LAPTM4A: variants seen among roughly 807,000 people sequenced by gnomAD.
LAPTM4A encodes the protein lysosomal-associated transmembrane protein 4A.
LAPTM4A carries 19 observed loss-of-function variants against 29.9 expected under a neutral mutation model. The observed-to-expected ratio is 0.64, with a 90% CI of 0.44 to 0.93. The LOEUF (loss-of-function observed/expected upper bound fraction) is 0.93. Among genes scored for constraint, LAPTM4A ranks in the 40% least tolerant of loss-of-function variants. LAPTM4A has a pLI of 0.00. For missense variants in LAPTM4A, 293 were observed against 288.5 expected (o/e 1.02, Z -0.11); for synonymous variants, 105 against 102.1 (o/e 1.03, Z -0.17).
chr2:20,042,228 A>T (rs566498316), intron 1 of LAPTM4A, among the ~76,000 whole-genome samples: 1 of 151,898 alleles, frequency 6.6e-6, no homozygotes, highest in Non-Finnish European at 1.5e-5. Context: ...GCCTCCCAAC[A>T]TGCTGTGATT....
In LAPTM4A at chr2:20,051,470, G is replaced by A. The variant is rs753632002; in HGVS notation, c.51C>T (p.Thr17=). The A allele has an allele frequency of 6.2e-7, 1 of 1,613,518 alleles. No homozygotes were observed. Among genetic ancestry groups the A allele is most frequent in the East Asian group, 2.2e-5 (1 of 44,842 alleles). Residue 17 remains threonine, a synonymous_variant, in exon 1 of 7, where the codon ACC becomes ACT. Coordinates refer to ENST00000175091, the MANE Select transcript of LAPTM4A (RefSeq NM_014713.5). ...KRNRSDRFYS[T]RCCGCCHVRT... is the part of the protein sequence containing the mutation. Reference sequence around the variant, plus strand: ...GGACATGGCAACAGCCGCAGCACCGGGTGCTGTAGAACCGGTCACTGCGGT... The same window carrying A: ...GGACATGGCAACAGCCGCAGCACCGAGTGCTGTAGAACCGGTCACTGCGGT...
chr2:20,049,080 G>T (rs960360233), intron 1 of LAPTM4A, among the ~76,000 whole-genome samples: 1 of 152,108 alleles, frequency 6.6e-6, no homozygotes, highest in African/African-American at 2.4e-5. Flanking sequence ...CCTCATCACT[G>T]TACCATATGT....
chr2:20,035,135 T>G, intron 4 of LAPTM4A, 73 bp from the exon 5 acceptor site: 6 of 991,114 alleles, frequency 6.1e-6, no homozygotes, highest in Non-Finnish European at 7.9e-6. Context: ...GAAGAGCATC[T>G]GAAGAATACA....
intron 1 of LAPTM4A, among the ~76,000 whole-genome samples, chr2:20,050,406 C>G (rs1420503226): frequency 6.6e-6 from 1 of 152,192 alleles, no homozygotes; most frequent in Non-Finnish European, 1.5e-5. Flanking sequence ...TCAAAAACTG[C>G]ACAGTATCAC....
In LAPTM4A at chr2:20,051,493, G is replaced by C. The variant is rs954746433; in HGVS notation, c.28C>G (p.Arg10Gly). 6.2e-7 allele frequency: 1 copy of C among 1,610,744 alleles called. No homozygotes were observed. Among genetic ancestry groups the C allele is most frequent in the Non-Finnish European group, 8.5e-7 (1 of 1,178,518 alleles). The part of the protein sequence containing the change: MVSMSFKRN[R>G]SDRFYSTRCC... ...CGGGTGCTGTAGAACCGGTCACTGCGGTTCCGCTTGAAACTCATGGACACC... is the reference window on the plus strand; with the variant it reads ...CGGGTGCTGTAGAACCGGTCACTGCCGTTCCGCTTGAAACTCATGGACACC... The change falls in exon 1 of 7, where the codon CGC becomes GGC. Residue 10 changes from arginine to glycine, a missense_variant. Physicochemically the swap from Arg to Gly is moderately radical, Grantham distance 125 (BLOSUM62 -2). Transcript: ENST00000175091.
At position 20,040,907 on chromosome 2, in the gene LAPTM4A, C is replaced by A. The variant is rs3731673; in HGVS notation, c.216G>T (p.Ser72=). 0.19 allele frequency: 312,670 copies of A among 1,611,138 alleles called. 32,760 individuals carry two copies. Among genetic ancestry groups the A allele is most frequent in the East Asian group, 0.27 (12,036 of 44,836 alleles). ...IQYEVIGNYY[S]SERMADNACV... ...AACACATACCAGCCATTCTCTCAGA[C>A]GAATAGTAATTACCGATGACTTCAT... The change falls in exon 2 of 7, where the codon TCG becomes TCT. Residue 72 remains serine, a synonymous_variant. Coordinates refer to ENST00000175091, the MANE Select transcript of LAPTM4A (RefSeq NM_014713.5).
intron 2 of LAPTM4A, among the ~76,000 whole-genome samples, chr2:20,037,826 G>A (rs1344530099): frequency 6.6e-6 from 1 of 151,390 alleles, no homozygotes; most frequent in Non-Finnish European, 1.5e-5. Context: ...GCACTTATTT[G>A]TTAAATCGCT....
chr2:20,037,345 G>C lies in LAPTM4A; in HGVS notation c.403C>G (p.Pro135Ala). Residue 135 changes from proline to alanine, a missense_variant, in exon 4 of 7, where the codon CCA becomes GCA. Coordinates refer to ENST00000175091, the MANE Select transcript of LAPTM4A (RefSeq NM_014713.5). ...LVAISSLTYL[P>A]RIKEYLDQLP... is the part of the protein sequence containing the mutation. ...TGATCCAGATATTCTTTGATTCTTGGCAAATAGGTGAGAGAACTAATAGCA... is the reference window on the plus strand; with the variant it reads ...TGATCCAGATATTCTTTGATTCTTGCCAAATAGGTGAGAGAACTAATAGCA... 2 of 1,612,562 alleles carry C rather than the reference G, an allele frequency of 1.2e-6. No homozygotes were observed. The highest frequency in any genetic ancestry group is 4.5e-5 in the East Asian group (2 of 44,846).
intron 1 of LAPTM4A, among the ~76,000 whole-genome samples, chr2:20,043,408 G>A (rs1348784771): frequency 6.6e-6 from 1 of 152,056 alleles, no homozygotes; most frequent in Non-Finnish European, 1.5e-5. Context: ...TAGAGGTGGG[G>A]TTTCGCCACG....
intron 4 of LAPTM4A, among the ~76,000 whole-genome samples, chr2:20,036,173 C>T (rs753919622): frequency 8.7e-5 from 9 of 104,006 alleles, no homozygotes; most frequent in Non-Finnish European, 1.7e-4. Context: ...AGCCGCTGAC[C>T]GTGGCTGACC....
At chr2:20,039,125 C>CA (rs1244691008) in intron 2 of LAPTM4A, among the ~76,000 whole-genome samples, 5 of 152,164 alleles carry the variant, frequency 3.3e-5, no homozygotes, top group African/African-American at 1.2e-4. Flanking sequence ...CCATGTTAGC[C>CA]AGGCTAGTCT....
chr2:20,041,167 A>T (rs1182265593), intron 1 of LAPTM4A, among the ~76,000 whole-genome samples, 156 bp from the exon 2 acceptor site: 1 of 152,232 alleles, frequency 6.6e-6, no homozygotes, highest in African/African-American at 2.4e-5. Context: ...ACAATACGCA[A>T]TTACCACTAT....
chr2:20,048,808 T>G (rs1193396649), intron 1 of LAPTM4A, among the ~76,000 whole-genome samples: 2 of 152,242 alleles, frequency 1.3e-5, no homozygotes, highest in African/African-American at 4.8e-5. Flanking sequence ...TCTGTCTTAG[T>G]AAAGCAGCTT....
chr2:20,051,339 T>A (rs1247462354), intron 1 of LAPTM4A, 71 bp downstream of exon 1: 4 of 826,866 alleles, frequency 4.8e-6, no homozygotes, highest in Non-Finnish European at 7.9e-6. Context: ...CCGTTTCCAG[T>A]CTCACCCCCT....
At chr2:20,036,217 C>G (rs927752326) in intron 4 of LAPTM4A, among the ~76,000 whole-genome samples, 2 of 147,438 alleles carry the variant, frequency 1.4e-5, no homozygotes, top group African/African-American at 2.4e-5. Flanking sequence ...CACCTTTCTC[C>G]AGGCTTCCCC....
At chr2:20,043,419 T>G (rs960361472) in intron 1 of LAPTM4A, among the ~76,000 whole-genome samples, 7 of 152,268 alleles carry the variant, frequency 4.6e-5, no homozygotes, top group Middle Eastern at 3.4e-3. Context: ...TTTCGCCACG[T>G]TGGCCAGGCT....
intron 1 of LAPTM4A, among the ~76,000 whole-genome samples, chr2:20,046,715 T>C (rs1207073409): frequency 1.4e-5 from 2 of 141,746 alleles, no homozygotes; most frequent in East Asian, 4.3e-4. Flanking sequence ...TTTATATATA[T>C]TTATATATTA....
intron 1 of LAPTM4A, among the ~76,000 whole-genome samples, chr2:20,051,029 G>C (rs1227900233): frequency 1.3e-5 from 2 of 152,170 alleles, no homozygotes; most frequent in Admixed American, 6.5e-5. Context: ...GGGAGCACTG[G>C]ATAGGAGGAA....
intron 4 of LAPTM4A, among the ~76,000 whole-genome samples, chr2:20,037,100 T>C (rs181271492): frequency 5.9e-5 from 9 of 152,354 alleles, no homozygotes; most frequent in East Asian, 1.9e-4. Context: ...TAGGAACTCT[T>C]AATACTGCAT....
Sources: allele counts gnomAD v4.1 joint callset (sites outside exome capture counted in the v4.1 genomes callset), GRCh38; gene constraint gnomAD v4.1.1; transcripts MANE v1.5; gene names NCBI Gene and HGNC (gene_info 2026-07-23, HGNC 2026-07-21).